Variants in LAMP3 observed in about 807,000 individuals in gnomAD.
The protein encoded by LAMP3 is lysosome-associated membrane glycoprotein 3.
Under a neutral mutation model 34.8 loss-of-function variants are expected in LAMP3, and 26 were observed. The observed-to-expected ratio is 0.75, with a 90% confidence interval of 0.55 to 1.04. The LOEUF is 1.04. LAMP3 is among the 50% of genes least tolerant of loss of function. The pLI, the probability that LAMP3 is intolerant of heterozygous loss-of-function variation, is 0.00. For synonymous variants in LAMP3, 180 were observed against 201.9 expected (o/e 0.89, Z 0.92); for missense variants, 495 against 524.0 (o/e 0.94, Z 0.54).
Position 183,124,022 on chromosome 3 carries a change from C to T in LAMP3, c.*59G>A. On this transcript the variant is annotated 3_prime_UTR_variant, in exon 6 of 6. Transcript: ENST00000265598. Reference sequence around the variant, plus strand: ...TCTGAGGGAATTTCCCAACATCCATCCTGGAAGGGATGAAAGAGTTCTCTA... The same window carrying T: ...TCTGAGGGAATTTCCCAACATCCATTCTGGAAGGGATGAAAGAGTTCTCTA... 1 of 1,596,796 alleles carries T rather than the reference C, an allele frequency of 6.3e-7. No individual in the cohort carries two copies. Among genetic ancestry groups the T allele is most frequent in the Non-Finnish European group, 8.6e-7 (1 of 1,165,440 alleles).
chr3:183,130,198 A>G (rs1719874555), intron 5 of LAMP3, among the ~76,000 whole-genome samples: 1 of 114,938 alleles, frequency 8.7e-6, no homozygotes, highest in South Asian at 2.6e-4. Flanking sequence ...TCGCTCTGTC[A>G]CCCAGGCTGG....
At chr3:183,161,037 G>A (rs1190879141) in intron 1 of LAMP3, 3 of 152,294 alleles carry the variant, frequency 2.0e-5, no homozygotes, top group Non-Finnish European at 2.9e-5. Flanking sequence ...CAGGAGATAC[G>A]AGTTAACATC....
intron 5 of LAMP3, chr3:183,132,471 G>A (rs1449770605): frequency 9.2e-6 from 9 of 983,496 alleles, no homozygotes; most frequent in Middle Eastern, 1.0e-3. Flanking sequence ...ATTTGTAAAC[G>A]TCTTCCCCAC....
rs1378981985 is a variant in LAMP3 at position 183,152,462 on chromosome 3, T to C, written c.801A>G (p.Ala267=). 6.2e-7 allele frequency: 1 copy of C among 1,613,022 alleles called. No individual in the cohort carries two copies. The highest frequency in any genetic ancestry group is 2.2e-5 in the East Asian group (1 of 44,752). ...PRRYFNIDPN[A]TQASGNCGTR... ...TGCCACAGTTCCCAGAGGCTTGCGT[T>C]GCGTTGGGGTCGATGTTGAAGTATC... The change falls in exon 3 of 6, where the codon GCA becomes GCG. Residue 267 remains alanine (A), a synonymous_variant. Coordinates refer to ENST00000265598, the MANE Select transcript of LAMP3 (RefSeq NM_014398.4).
rs911524016 is a variant in LAMP3 at position 183,127,197 on chromosome 3, C to T, written c.1118-2983G>A. ...TTGCCCAGGCTGGGGGGCAGTGGTG[C>T]GATCATAGCTCACTGAAGCCTCCAG... On this transcript the variant is annotated intron_variant, in intron 5 of 5. Coordinates refer to ENST00000265598, the MANE Select transcript of LAMP3 (RefSeq NM_014398.4). Among the ~76,000 whole-genome samples the T allele has an allele frequency of 4.6e-5, 7 of 152,168 alleles. No individual in the cohort carries two copies. The East Asian group carries it at 9.6e-4, about 21-fold the overall frequency.
chr3:183,144,127 A>G (rs1418325595), intron 3 of LAMP3, among the ~76,000 whole-genome samples: 1 of 152,236 alleles, frequency 6.6e-6, no homozygotes, highest in African/African-American at 2.4e-5. Flanking sequence ...CTTTTCGCTC[A>G]GCATTGTTGT....
chr3:183,153,492 C>T (rs1720720978), intron 2 of LAMP3, among the ~76,000 whole-genome samples, 190 bp downstream of exon 2: 1 of 152,194 alleles, frequency 6.6e-6, no homozygotes, highest in South Asian at 2.1e-4. Flanking sequence ...CAAACAGTTG[C>T]TATTAGTTTC....
chr3:183,152,363 C>T lies in LAMP3; in HGVS notation c.888+12G>A, dbSNP rs537198775. The T allele has an allele frequency of 6.3e-7, 1 of 1,599,978 alleles. No individual in the cohort carries two copies. Among genetic ancestry groups the T allele is most frequent in the Admixed American group, 1.7e-5 (1 of 57,576 alleles). On this transcript the variant is annotated intron_variant, in intron 3 of 5. Coordinates refer to ENST00000265598, the MANE Select transcript of LAMP3 (RefSeq NM_014398.4). ...ACCAGATGCAGTTTGTGCAAAGGAG[C>T]TCAGGCCTCACCTTGGTAAATGTGA...
intron 5 of LAMP3, among the ~76,000 whole-genome samples, chr3:183,126,576 A>G (rs1194127954): frequency 6.6e-6 from 1 of 151,644 alleles, no homozygotes; most frequent in Non-Finnish European, 1.5e-5. Flanking sequence ...ACACGTGTGC[A>G]TGTGTGCAAA....
At chr3:183,129,926 T>G (rs1373602676) in intron 5 of LAMP3, among the ~76,000 whole-genome samples, 1 of 152,048 alleles carries the variant, frequency 6.6e-6, no homozygotes, top group African/African-American at 2.4e-5. Flanking sequence ...AATGGTATCC[T>G]TACACAAAGA....
At chr3:183,142,933 C>A (rs964315738) in intron 3 of LAMP3, among the ~76,000 whole-genome samples, 1 of 152,140 alleles carries the variant, frequency 6.6e-6, no homozygotes, top group African/African-American at 2.4e-5. Flanking sequence ...TGCTGTTCCA[C>A]AAGAATCTGC....
chr3:183,122,272 T>C lies in LAMP3; in HGVS notation c.*1809A>G, dbSNP rs1262901137. On this transcript the variant is annotated 3_prime_UTR_variant, in exon 6 of 6. Transcript: ENST00000265598. The stretch of plus-strand genomic sequence containing the variant: ...CTACAATTCAATGTTTTATTAAGAC[T>C]AAAGTCAGGACCTTGCCAACTTACT... The C allele has an allele frequency of 6.6e-6, 1 of 152,226 alleles. No homozygotes were observed. The highest frequency in any genetic ancestry group is 1.5e-5 in the Non-Finnish European group (1 of 68,028). The allele number at this position is 152,226 out of a possible 1,614,324, so 9.4% of individuals were successfully genotyped here. A position where few individuals can be genotyped will look rare whatever the true frequency, so the allele number is the denominator to read the frequency against.
At chr3:183,135,486 C>T (rs111252041) in intron 5 of LAMP3, among the ~76,000 whole-genome samples, 10 of 152,222 alleles carry the variant, frequency 6.6e-5, no homozygotes, top group African/African-American at 2.2e-4. Flanking sequence ...TAAGAATGTG[C>T]GTGAGTCGAA....
At chr3:183,130,069 T>C (rs1426404033) in intron 5 of LAMP3, among the ~76,000 whole-genome samples, 1 of 151,970 alleles carries the variant, frequency 6.6e-6, no homozygotes, top group Non-Finnish European at 1.5e-5. Flanking sequence ...TCCAGAACTG[T>C]GAGAATATAC....
At chr3:183,146,544 T>TTTGG (rs1720445935) in intron 3 of LAMP3, among the ~76,000 whole-genome samples, 1 of 147,552 alleles carries the variant, frequency 6.8e-6, no homozygotes, top group Non-Finnish European at 1.5e-5. Flanking sequence ...TTTTTTTTTT[T>TTTGG]GAGACAGAGT....
chr3:183,124,700 C>T (rs1197223685), intron 5 of LAMP3, among the ~76,000 whole-genome samples: 2 of 152,068 alleles, frequency 1.3e-5, no homozygotes, highest in Non-Finnish European at 2.9e-5. Flanking sequence ...GGCGTGGTGG[C>T]ACATGCCTGT....
intron 1 of LAMP3, among the ~76,000 whole-genome samples, 194 bp downstream of exon 1, chr3:183,162,413 C>T (rs1340090722): frequency 6.6e-6 from 1 of 152,154 alleles, no homozygotes; most frequent in Non-Finnish European, 1.5e-5. Context: ...AAGCGAGGGA[C>T]AGTGTCACTG....
intron 3 of LAMP3, among the ~76,000 whole-genome samples, chr3:183,142,259 G>C (rs541794095): frequency 5.9e-5 from 9 of 152,056 alleles, no homozygotes; most frequent in Admixed American, 3.9e-4. Context: ...AGCGTCCATC[G>C]AAGGGTTTTA....
At chr3:183,149,882 A>G (rs1360222010) in intron 3 of LAMP3, among the ~76,000 whole-genome samples, 1 of 152,176 alleles carries the variant, frequency 6.6e-6, no homozygotes, top group Non-Finnish European at 1.5e-5. Context: ...AATAAAATAA[A>G]AAATCAAAAT....
Sources: gnomAD v4.1 joint callset for allele counts (sites outside exome capture counted in the v4.1 genomes callset) on GRCh38, gnomAD v4.1.1 for gene constraint, MANE v1.5 for transcripts, NCBI Gene and HGNC (gene_info 2026-07-23, HGNC 2026-07-21) for gene names.